The following TMC1 variants were observed in gnomAD, a reference collection of about 807,000 sequenced individuals.
TMC1 encodes transmembrane channel-like protein 1.
A neutral mutation model predicts 105.8 loss-of-function variants in TMC1; 84 were observed. The ratio of observed to expected loss-of-function variants is 0.79; its 90% CI spans 0.67 to 0.95. TMC1 has a LOEUF of 0.95. TMC1 is among the 40% of genes least tolerant of loss of function. The pLI is 0.00. For synonymous variants in TMC1, 315 were observed against 311.5 expected (o/e 1.01, Z -0.12); for missense variants, 817 against 914.1 (o/e 0.89, Z 1.37).
At chr9:72,589,983 G>A (rs1380049168) in intron 2 of TMC1, among the ~76,000 whole-genome samples, 1 of 152,178 alleles carries the variant, frequency 6.6e-6, no homozygotes, top group Non-Finnish European at 1.5e-5. Flanking sequence ...TGAGGGAGAA[G>A]CAGCTTCTTA....
At chr9:72,554,445 G>C (rs182891126) in intron 1 of TMC1, among the ~76,000 whole-genome samples, 1 of 152,008 alleles carries the variant, frequency 6.6e-6, no homozygotes, top group South Asian at 2.1e-4. Flanking sequence ...GTTATTTCTC[G>C]TCAAAAGACA....
At chr9:72,659,493 G>A (rs1410702239) in intron 5 of TMC1, among the ~76,000 whole-genome samples, 3 of 152,134 alleles carry the variant, frequency 2.0e-5, no homozygotes, top group African/African-American at 7.2e-5. Context: ...AATTAGCCAG[G>A]TGTGGTGGCA....
chr9:72,835,677 C>G (rs759645390), intron 23 of TMC1, among the ~76,000 whole-genome samples: 1 of 143,776 alleles, frequency 7.0e-6, no homozygotes, highest in Non-Finnish European at 1.6e-5. Flanking sequence ...ATCACATAAG[C>G]AATAATGTAT....
chr9:72,635,435 A>G (rs1421628779), intron 4 of TMC1, among the ~76,000 whole-genome samples: 1 of 152,162 alleles, frequency 6.6e-6, no homozygotes, highest in African/African-American at 2.4e-5. Context: ...ACTTCCCAAA[A>G]GTCACCTCAT....
At chr9:72,694,814 T>TAGAAAG in intron 7 of TMC1, 100 bp downstream of exon 7, 1 of 1,174,438 alleles carries the variant, frequency 8.5e-7, no homozygotes, top group Non-Finnish European at 1.2e-6. Context: ...AAGCTACTTT[T>TAGAAAG]AGAAAGAGAG....
chr9:72,553,737 T>C (rs1467695563), intron 1 of TMC1, among the ~76,000 whole-genome samples: 1 of 152,174 alleles, frequency 6.6e-6, no homozygotes, highest in African/African-American at 2.4e-5. Flanking sequence ...TCATTTAGAA[T>C]TTTGTCTTAA....
rs368631767 is a variant in TMC1, at chr9:72,768,265, T to G, written c.742-4148T>G. ...ACATGTTCTCACTCATAAGTGGGAG[T>G]TGAACAATGAGAACGCATGGACACA... On this transcript the variant is annotated intron_variant, in intron 12 of 23. Transcript: ENST00000297784. Among the ~76,000 whole-genome samples the G allele has an allele frequency of 7.3e-5, 11 of 151,076 alleles. 1 individual carries two copies. Among genetic ancestry groups the G allele is most frequent in the African/African-American group, 2.4e-4 (10 of 41,060 alleles).
chr9:72,781,880 T>A (rs1828099076), intron 13 of TMC1, among the ~76,000 whole-genome samples: 1 of 152,092 alleles, frequency 6.6e-6, no homozygotes. Flanking sequence ...TTCTACCAGA[T>A]GTATAAAGAA....
At position 72,772,706 on chromosome 9, in the gene TMC1, T is replaced by A. The variant is rs544561926; in HGVS notation, c.884+151T>A. The A allele has an allele frequency of 5.2e-5, 55 of 1,060,990 alleles. No homozygotes were observed. The African/African-American group carries it at 7.7e-4, about 15-fold the overall frequency. 65.7% of individuals were successfully genotyped at this position (1,060,990 alleles called of 1,614,324 possible). On this transcript the variant is annotated intron_variant, in intron 13 of 23. Transcript: ENST00000297784. ...TGAAATGTAGTTTTAATACCAACAC[T>A]AATGTTAGACTATTACATCTTCAAA...
intron 1 of TMC1, among the ~76,000 whole-genome samples, chr9:72,536,419 G>A (rs913190745): frequency 1.4e-4 from 22 of 152,040 alleles, no homozygotes; most frequent in African/African-American, 4.8e-4. Flanking sequence ...TGCAAGCTCT[G>A]CCTCCTGGGA....
chr9:72,682,373 C>G (rs1350863036), intron 5 of TMC1, among the ~76,000 whole-genome samples: 1 of 152,056 alleles, frequency 6.6e-6, no homozygotes, highest in Non-Finnish European at 1.5e-5. Context: ...GTTTCTCACT[C>G]CTGATAATTT....
chr9:72,759,974 A>G (rs183587896), intron 12 of TMC1, among the ~76,000 whole-genome samples: 1 of 152,294 alleles, frequency 6.6e-6, no homozygotes, highest in East Asian at 1.9e-4. Flanking sequence ...AATGGAGTTG[A>G]AGCATTTGGG....
intron 12 of TMC1, among the ~76,000 whole-genome samples, chr9:72,763,636 A>G (rs1283104172): frequency 7.2e-5 from 11 of 152,208 alleles, no homozygotes; most frequent in Admixed American, 6.5e-5. Flanking sequence ...ATTACAGAGA[A>G]CGTGTGATGA....
chr9:72,775,989 A>G lies in TMC1; in HGVS notation c.884+3434A>G, dbSNP rs114905706. On this transcript the variant is annotated intron_variant, in intron 13 of 23. Coordinates refer to ENST00000297784, the MANE Select transcript of TMC1 (RefSeq NM_138691.3). ...ATCTGTTCATAAAGAATCTTCCCCTATGACCCAAACACCTTTCATTAGGCT... is the reference window on the plus strand; with the variant it reads ...ATCTGTTCATAAAGAATCTTCCCCTGTGACCCAAACACCTTTCATTAGGCT... 4.5e-3 allele frequency among the ~76,000 whole-genome samples: 687 copies of G among 152,320 alleles called. 5 individuals are homozygous for G. The highest frequency in any genetic ancestry group is 0.014 in the African/African-American group (583 of 41,574).
At chr9:72,825,224 A>T (rs72733095) in intron 20 of TMC1, among the ~76,000 whole-genome samples, 14,220 of 152,232 alleles carry the variant, frequency 0.093, 725 homozygotes, top group Non-Finnish European at 0.13. Flanking sequence ...TTAAGCATTG[A>T]TTCTGGTCCT....
rs758068479 is a variant in TMC1 at position 72,792,240 on chromosome 9, A to G, written c.1454A>G (p.Asn485Ser). The change falls in exon 17 of 24, where the codon AAT becomes AGT. Residue 485 changes from asparagine (N) to serine (S), a missense_variant. Coordinates refer to ENST00000297784, the MANE Select transcript of TMC1 (RefSeq NM_138691.3). ...GCCAATATTACCCTTTGGGAAGCCA[A>G]TATGATCAAGGCCTACAATGCATCA... The part of the protein sequence containing the change: ...VKANITLWEA[N>S]MIKAYNASFS... 5 of 1,614,050 alleles carry G rather than the reference A, an allele frequency of 3.1e-6. No homozygotes were observed.
intron 3 of TMC1, among the ~76,000 whole-genome samples, chr9:72,624,491 C>T (rs1056954702): frequency 7.9e-5 from 12 of 152,218 alleles, no homozygotes; most frequent in Non-Finnish European, 1.3e-4. Context: ...GAAGCCAGTG[C>T]ATACTTAAGG....
chr9:72,767,059 T>A (rs1304905496), intron 12 of TMC1, among the ~76,000 whole-genome samples: 2 of 152,174 alleles, frequency 1.3e-5, no homozygotes, highest in Non-Finnish European at 2.9e-5. Flanking sequence ...TGCGTCCTAC[T>A]CCATGAAATG....
At chr9:72,526,459 C>A (rs968749703) in intron 1 of TMC1, among the ~76,000 whole-genome samples, 1 of 152,262 alleles carries the variant, frequency 6.6e-6, no homozygotes, top group Non-Finnish European at 1.5e-5. Context: ...AAGCCTGGTT[C>A]TCCAAAACTT....
Sources: gnomAD v4.1 joint callset for allele counts (sites outside exome capture counted in the v4.1 genomes callset) on GRCh38, gnomAD v4.1.1 for gene constraint, MANE v1.5 for transcripts, NCBI Gene and HGNC (gene_info 2026-07-23, HGNC 2026-07-21) for gene names.